The following DENND4A variants were observed in gnomAD, a reference collection of about 807,000 sequenced individuals.
DENND4A encodes C-myc promoter-binding protein.
Under a neutral mutation model 199.3 loss-of-function variants are expected in DENND4A, and 70 were observed. The ratio of observed to expected loss-of-function variants is 0.35; its 90% CI spans 0.29 to 0.43. DENND4A has a LOEUF of 0.43. Ranked by LOEUF, DENND4A falls within the 20% of genes least tolerant of loss-of-function variation. DENND4A has a pLI of 1.00. For missense variants in DENND4A, 1,723 were observed against 2,255.8 expected (o/e 0.76, Z 4.78); for synonymous variants, 686 against 766.9 (o/e 0.89, Z 1.74).
intron 23 of DENND4A, among the ~76,000 whole-genome samples, chr15:65,685,494 T>A (rs2076744699): frequency 6.6e-6 from 1 of 152,234 alleles, no homozygotes; most frequent in African/African-American, 2.4e-5. Context: ...GTATATAAGT[T>A]GAGTGTCTAC....
Position 65,696,455 on chromosome 15 carries a change from G to A in DENND4A, c.2993C>T (p.Pro998Leu), listed in dbSNP as rs556654367. 22 of 1,612,610 alleles carry A rather than the reference G, an allele frequency of 1.4e-5. 1 individual carries two copies. In the South Asian group the frequency reaches 2.2e-4, roughly 16 times the overall value. The change falls in exon 22 of 33, where the codon CCT becomes CTT. Residue 998 changes from proline to leucine, a missense_variant. Around this residue, in one of 6 missense-constraint regions of DENND4A, gnomAD observed 650 missense variants for 738.1 expected, o/e 0.88. Transcript: ENST00000443035. ...ESTKGSADCLPKLSYQNSSSI... is the reference protein window; with the variant it reads ...ESTKGSADCLLKLSYQNSSSI... ...GGAAGAATTTTGATAACTGAGCTTAGGAAGGCAATCAGCACTTCCTTTTGT... is the reference window on the plus strand; with the variant it reads ...GGAAGAATTTTGATAACTGAGCTTAAGAAGGCAATCAGCACTTCCTTTTGT...
At position 65,665,394 on chromosome 15, in the gene DENND4A, C is replaced by T. The variant is rs2076000986; in HGVS notation, c.5310G>A (p.Lys1770=). The T allele has an allele frequency of 6.2e-7, 1 of 1,613,780 alleles. No homozygotes were observed. The highest frequency in any genetic ancestry group is 2.2e-5 in the East Asian group (1 of 44,860). Residue 1770 remains lysine (K), a synonymous_variant, in exon 30 of 33, where the codon AAG becomes AAA. Coordinates refer to ENST00000443035, the MANE Select transcript of DENND4A (RefSeq NM_001320835.1). The part of the protein sequence containing the change: ...VLIQMLWDNM[K]LHQDPGQPLY... ...AGGGCTGTCCCGGATCCTGATGTAA[C>T]TTCATATTGTCCCATAACATTTGTA...
chr15:65,791,857 C>T (rs2077739791), intron 1 of DENND4A, among the ~76,000 whole-genome samples, 153 bp downstream of exon 1: 1 of 152,206 alleles, frequency 6.6e-6, no homozygotes, highest in South Asian at 2.1e-4. Context: ...CGGAGCACCT[C>T]CCGGATCTCA....
intron 27 of DENND4A, 87 bp from the exon 28 acceptor site, chr15:65,668,210 C>CTT (rs878910664): frequency 1.4e-3 from 913 of 669,228 alleles, no homozygotes; most frequent in Middle Eastern, 2.8e-3. Flanking sequence ...CTCTCTCTCT[C>CTT]TTTTTTTTTT....
At chr15:65,728,373 T>G (rs1007106601) in intron 11 of DENND4A, among the ~76,000 whole-genome samples, 1 of 152,206 alleles carries the variant, frequency 6.6e-6, no homozygotes, top group African/African-American at 2.4e-5. Flanking sequence ...AAGAATGGTG[T>G]TTTAATTCAA....
intron 1 of DENND4A, among the ~76,000 whole-genome samples, chr15:65,775,124 A>C (rs1172088490): frequency 6.6e-6 from 1 of 152,128 alleles, no homozygotes; most frequent in East Asian, 1.9e-4. Context: ...AAAAACTACC[A>C]TAAAAGTAAA....
rs762655710 is a variant in DENND4A at position 65,756,253 on chromosome 15, A to C, written c.198T>G (p.Ile66Met). ...CTGACAATCCAGTTGGGGTAACATC[A>C]ATACAGATATAATCCTGTGGGACTT... ...GEEVPQDYIC[I>M]DVTPTGLSAD... Residue 66 changes from isoleucine (I) to methionine (M), a missense_variant, in exon 3 of 33, where the codon ATT becomes ATG. Ile to Met is a conservative substitution (Grantham distance 10). This residue lies in a region of DENND4A where 725 missense variants were observed against 952.9 expected (regional missense o/e 0.76). Transcript: ENST00000443035. The C allele has an allele frequency of 1.2e-6, 2 of 1,612,906 alleles. No individual in the cohort carries two copies. The highest frequency in any genetic ancestry group is 1.7e-6 in the Non-Finnish European group (2 of 1,179,352).
intron 23 of DENND4A, among the ~76,000 whole-genome samples, chr15:65,685,403 G>C (rs908919679): frequency 6.6e-6 from 1 of 152,148 alleles, no homozygotes; most frequent in Non-Finnish European, 1.5e-5. Context: ...TGGGATTACA[G>C]GCGTGAGCCA....
Position 65,718,760 on chromosome 15 carries a change from C to CTTTTTTTTTT in DENND4A, c.1589-774_1589-765dup, listed in dbSNP as rs1038227560. On this transcript the variant is annotated intron_variant, in intron 12 of 32. Transcript: ENST00000443035. ...TCAAAAGTTTTGCATGTTTTTTTTC[C>CTTTTTTTTTT]TTTTTTTTTTTTTTTTTTTTTTTTT... is the stretch of plus-strand genomic sequence containing the variant. Among the ~76,000 whole-genome samples the CTTTTTTTTTT allele has an allele frequency of 4.7e-3, 317 of 67,784 alleles. 3 individuals are homozygous for CTTTTTTTTTT. The highest frequency in any genetic ancestry group is 6.5e-3 in the Non-Finnish European group (222 of 33,902). 44.5% of individuals were successfully genotyped at this position (67,784 alleles called of 152,430 possible). A position where few individuals can be genotyped will look rare whatever the true frequency, so the allele number is the denominator to read the frequency against.
Position 65,676,610 on chromosome 15 carries a change from G to C in DENND4A, c.4204C>G (p.Leu1402Val). The change falls in exon 24 of 33, where the codon CTT (leucine) becomes GTT (valine). Residue 1402 changes from leucine to valine, a missense_variant. Coordinates refer to ENST00000443035, the MANE Select transcript of DENND4A (RefSeq NM_001320835.1). ...GAATCCTGGGCTCCCACTGAAGAAAGACTGGTACGATCAGAACTTTGATCC... is the reference window on the plus strand; with the variant it reads ...GAATCCTGGGCTCCCACTGAAGAAACACTGGTACGATCAGAACTTTGATCC... The part of the protein sequence containing the change: ...SKDQSSDRTS[L>V]SSVGAQDSES... 6.2e-7 allele frequency: 1 copy of C among 1,612,672 alleles called. No individual in the cohort carries two copies.
intron 1 of DENND4A, chr15:65,771,048 C>T: frequency 1.1e-6 from 1 of 927,954 alleles, no homozygotes; most frequent in Non-Finnish European, 1.6e-6. Context: ...TCCAAGATTT[C>T]AGGAACCAAC....
intron 3 of DENND4A, among the ~76,000 whole-genome samples, chr15:65,752,958 A>G (rs969828196): frequency 6.6e-6 from 1 of 152,232 alleles, no homozygotes; most frequent in Non-Finnish European, 1.5e-5. Context: ...CACCTTCTTT[A>G]GAAAAAGCAA....
intron 32 of DENND4A, 50 bp downstream of exon 32, chr15:65,664,280 A>G (rs1430672125): frequency 9.7e-7 from 1 of 1,030,600 alleles, no homozygotes; most frequent in South Asian, 1.6e-5. Context: ...TACTTTGAAA[A>G]CTATTCCATG....
At chr15:65,764,523 C>T (rs986337302) in intron 1 of DENND4A, among the ~76,000 whole-genome samples, 6 of 151,906 alleles carry the variant, frequency 3.9e-5, no homozygotes, top group East Asian at 1.9e-4. Context: ...TCCAGCTACT[C>T]GGGAGGCTGA....
chr15:65,701,869 G>T lies in DENND4A; in HGVS notation c.2452C>A (p.Gln818Lys), dbSNP rs1567022351. 1 of 1,613,718 alleles carries T rather than the reference G, an allele frequency of 6.2e-7. No individual in the cohort carries two copies. Residue 818 changes from glutamine to lysine, a missense_variant, in exon 18 of 33, where the codon CAA (glutamine) becomes AAA (lysine). Around this residue, in one of 6 missense-constraint regions of DENND4A, gnomAD observed 36 missense variants for 85.7 expected, o/e 0.42. Transcript: ENST00000443035. ...PDEVCYRILM[Q>K]LCGQYDQPVL... ...GGCTGATCATATTGTCCACAGAGTT[G>T]CATAAGAATGCGGTAGCATACCTGA...
intron 4 of DENND4A, among the ~76,000 whole-genome samples, chr15:65,750,320 T>C (rs1340018132): frequency 1.3e-5 from 2 of 152,074 alleles, no homozygotes; most frequent in Non-Finnish European, 2.9e-5. Context: ...CAAAAGACGC[T>C]GGGGACTACT....
intron 1 of DENND4A, among the ~76,000 whole-genome samples, chr15:65,790,552 G>A (rs2077687657): frequency 6.6e-6 from 1 of 152,064 alleles, no homozygotes; most frequent in Non-Finnish European, 1.5e-5. Flanking sequence ...AGAAAATTAT[G>A]TAACATATTA....
At chr15:65,699,687 A>T (rs1269043189) in intron 20 of DENND4A, among the ~76,000 whole-genome samples, 3 of 146,300 alleles carry the variant, frequency 2.1e-5, no homozygotes, top group East Asian at 2.0e-4. Context: ...ATATATATAA[A>T]TTTTTTTTTT....
chr15:65,780,228 T>C (rs2077403109), intron 1 of DENND4A, among the ~76,000 whole-genome samples: 1 of 152,198 alleles, frequency 6.6e-6, no homozygotes, highest in African/African-American at 2.4e-5. Context: ...TCAACCTTTC[T>C]CTGTAACATG....
Sources: gnomAD v4.1 joint callset for allele counts (sites outside exome capture counted in the v4.1 genomes callset) on GRCh38, gnomAD v4.1.1 for gene constraint, gnomAD v4.1.1 regional missense constraint, MANE v1.5 for transcripts, NCBI Gene and HGNC (gene_info 2026-07-23, HGNC 2026-07-21) for gene names.